Variants in KCNAB1 observed in about 807,000 individuals in gnomAD.
KCNAB1 encodes potassium voltage-gated channel subfamily A regulatory beta subunit 1.
A neutral mutation model predicts 64.6 loss-of-function variants in KCNAB1; 35 were observed. That is an observed-to-expected ratio of 0.54 (90% CI 0.41 to 0.72). KCNAB1 has a LOEUF of 0.72. Ranked by LOEUF, KCNAB1 falls within the 30% of genes least tolerant of loss-of-function variation. The pLI is 0.00. For synonymous variants in KCNAB1, 177 were observed against 183.8 expected, an observed-to-expected ratio of 0.96 and a Z score of 0.30; for missense variants, 401 against 512.9, an observed-to-expected ratio of 0.78 and a Z score of 2.11.
chr3:156,167,657 T>A (rs533847186), intron 1 of KCNAB1, among the ~76,000 whole-genome samples: 78 of 152,222 alleles, frequency 5.1e-4, no homozygotes, highest in African/African-American at 1.8e-3. Context: ...AACAGCCAGT[T>A]TCAACAAACT....
chr3:156,209,965 T>A lies in KCNAB1; in HGVS notation c.275+89079T>A, dbSNP rs144039671. Among the ~76,000 whole-genome samples the A allele has an allele frequency of 2.8e-3, 421 of 152,346 alleles. 3 individuals are homozygous for A. The highest frequency in any genetic ancestry group is 9.4e-3 in the African/African-American group (390 of 41,580). On this transcript the variant is annotated intron_variant, in intron 1 of 13. Transcript: ENST00000490337. ...GACAATTTCTTGAAAAAAAGATCTT[T>A]AAACTGTTAGCTTGATATTAATTTA...
At chr3:156,440,630 G>C (rs967143159) in intron 2 of KCNAB1, among the ~76,000 whole-genome samples, 1 of 152,154 alleles carries the variant, frequency 6.6e-6, no homozygotes, top group Non-Finnish European at 1.5e-5. Context: ...GGAAGAAATA[G>C]ACTTAGAAAT....
rs939842004 is a variant in KCNAB1, at chr3:156,339,621, A to G, written c.276-81995A>G. On this transcript the variant is annotated intron_variant, in intron 1 of 13. Transcript: ENST00000490337. ...ATGCAAAAGGCCAGCCTGTTTTGTG[A>G]TAATAATACCTGTGTCCATTGTCTG... Among the ~76,000 whole-genome samples, 4 of 152,274 alleles carry G rather than the reference A, an allele frequency of 2.6e-5. No homozygotes were observed. The South Asian group carries it at 8.3e-4, about 32-fold the overall frequency.
At chr3:156,265,927 G>A (rs1718675289) in intron 1 of KCNAB1, among the ~76,000 whole-genome samples, 5 of 152,154 alleles carry the variant, frequency 3.3e-5, no homozygotes, top group Admixed American at 3.3e-4. Flanking sequence ...AGGAGGCGGA[G>A]GTTGCAGTGA....
intron 1 of KCNAB1, among the ~76,000 whole-genome samples, chr3:156,242,382 G>A (rs1014494905): frequency 2.6e-5 from 4 of 151,922 alleles, no homozygotes; most frequent in African/African-American, 9.7e-5. Flanking sequence ...AGACTTTGGG[G>A]TACCTGTCTC....
rs557755895 is a variant in KCNAB1, at chr3:156,347,255, A to G, written c.276-74361A>G. On this transcript the variant is annotated intron_variant, in intron 1 of 13. Transcript: ENST00000490337. ...ACTGTAGAGAAAAGAAAAATAGAGC[A>G]GCAAACACTGAAATAATCCCAGAAG... Among the ~76,000 whole-genome samples the G allele has an allele frequency of 2.0e-5, 3 of 152,372 alleles. No individual in the cohort carries two copies. The South Asian group carries it at 6.2e-4, about 32-fold the overall frequency.
chr3:156,340,533 C>T lies in KCNAB1; in HGVS notation c.276-81083C>T, dbSNP rs116722922. ...TCACCCTACACTTCCCTTTGGACTACGTGACCAAGTTTGGGGACCATCACC... is the reference window on the plus strand; with the variant it reads ...TCACCCTACACTTCCCTTTGGACTATGTGACCAAGTTTGGGGACCATCACC... On this transcript the variant is annotated intron_variant, in intron 1 of 13. Coordinates refer to ENST00000490337, the MANE Select transcript of KCNAB1 (RefSeq NM_172160.3). Among the ~76,000 whole-genome samples the T allele has an allele frequency of 5.2e-3, 790 of 152,292 alleles. 9 individuals carry two copies. Among genetic ancestry groups the T allele is most frequent in the African/African-American group, 0.017 (700 of 41,572 alleles).
At chr3:156,365,564 G>A (rs1327666933) in intron 1 of KCNAB1, among the ~76,000 whole-genome samples, 1 of 152,104 alleles carries the variant, frequency 6.6e-6, no homozygotes, top group African/African-American at 2.4e-5. Flanking sequence ...TGTAATCATG[G>A]TGATTGCACG....
chr3:156,200,672 G>A (rs934437187), intron 1 of KCNAB1, among the ~76,000 whole-genome samples: 2 of 152,128 alleles, frequency 1.3e-5, no homozygotes, highest in Non-Finnish European at 2.9e-5. Flanking sequence ...CACCAAGCTC[G>A]ATCATCCCAG....
At chr3:156,327,930 C>G (rs1197849766) in intron 1 of KCNAB1, among the ~76,000 whole-genome samples, 2 of 152,080 alleles carry the variant, frequency 1.3e-5, no homozygotes, top group African/African-American at 4.8e-5. Context: ...TTCCCCAGTT[C>G]TGCATAGCTC....
intron 7 of KCNAB1, among the ~76,000 whole-genome samples, chr3:156,467,015 G>A (rs114559109): frequency 0.019 from 2,871 of 152,134 alleles, 115 homozygotes; most frequent in African/African-American, 0.066. Context: ...CTGAAAATGC[G>A]TTTAATACAC....
chr3:156,175,751 G>T (rs770344140), intron 1 of KCNAB1: 22 of 559,098 alleles, frequency 3.9e-5, no homozygotes, highest in Non-Finnish European at 6.7e-5. Flanking sequence ...TCTGTTTCTT[G>T]CCAGTAATCG....
intron 1 of KCNAB1, among the ~76,000 whole-genome samples, chr3:156,261,099 C>T (rs186682765): frequency 1.8e-4 from 27 of 152,014 alleles, no homozygotes; most frequent in Non-Finnish European, 2.7e-4. Context: ...GGTTACATAT[C>T]TTCTTTCTAT....
chr3:156,375,306 C>T (rs1420280125), intron 1 of KCNAB1, among the ~76,000 whole-genome samples: 1 of 134,770 alleles, frequency 7.4e-6, no homozygotes, highest in Non-Finnish European at 1.5e-5. Context: ...TTATGAAGCT[C>T]ATCCCTATGC....
intron 1 of KCNAB1, among the ~76,000 whole-genome samples, chr3:156,151,668 A>G (rs905576464): frequency 3.3e-5 from 5 of 152,226 alleles, no homozygotes; most frequent in Non-Finnish European, 7.3e-5. Flanking sequence ...TTTTAAAACT[A>G]AGTTGCACAC....
chr3:156,219,426 A>T (rs917388457), intron 1 of KCNAB1, among the ~76,000 whole-genome samples: 3 of 152,088 alleles, frequency 2.0e-5, no homozygotes, highest in South Asian at 2.1e-4. Flanking sequence ...AAAAGAATTT[A>T]AAAAATGAAC....
At position 156,233,835 on chromosome 3, in the gene KCNAB1, G is replaced by T. The variant is rs1272666214; in HGVS notation, c.275+112949G>T. On this transcript the variant is annotated intron_variant, in intron 1 of 13. Coordinates refer to ENST00000490337, the MANE Select transcript of KCNAB1 (RefSeq NM_172160.3). The stretch of plus-strand genomic sequence containing the variant: ...GTGTCAAGGATGGCTGCAGCGTTTG[G>T]AACCTAACATGCTGGAAGAGTGGCA... 3.9e-5 allele frequency among the ~76,000 whole-genome samples: 6 copies of T among 152,010 alleles called. No individual in the cohort carries two copies. In the East Asian group the frequency reaches 1.2e-3, roughly 29 times the overall value.
chr3:156,187,755 A>G (rs556802720), intron 1 of KCNAB1, among the ~76,000 whole-genome samples: 69 of 152,332 alleles, frequency 4.5e-4, no homozygotes, highest in African/African-American at 1.6e-3. Flanking sequence ...TCCATCACCC[A>G]TGGTGAAGCC....
intron 1 of KCNAB1, among the ~76,000 whole-genome samples, chr3:156,305,116 T>A (rs1304285142): frequency 6.6e-6 from 1 of 152,006 alleles, no homozygotes; most frequent in Non-Finnish European, 1.5e-5. Flanking sequence ...TTTTCAAGAG[T>A]TTCAGGATTG....
Sources: allele counts gnomAD v4.1 joint callset (sites outside exome capture counted in the v4.1 genomes callset), GRCh38; gene constraint gnomAD v4.1.1; transcripts MANE v1.5; gene names NCBI Gene and HGNC (gene_info 2026-07-23, HGNC 2026-07-21).